THSD7B: variants seen among roughly 807,000 people sequenced by gnomAD.
THSD7B encodes thrombospondin type-1 domain-containing protein 7B.
THSD7B carries 138 observed loss-of-function variants against 213.6 expected under a neutral mutation model. The observed-to-expected ratio is 0.65, with a 90% CI of 0.56 to 0.74. The LOEUF is 0.74. Ranked by LOEUF, THSD7B falls within the 30% of genes least tolerant of loss-of-function variation. THSD7B has a pLI of 0.00. For missense variants in THSD7B, 1,931 were observed against 1,991.5 expected, an observed-to-expected ratio of 0.97 and a Z score of 0.58; for synonymous variants, 742 against 687.0, an observed-to-expected ratio of 1.08 and a Z score of -1.25.
At chr2:137,327,943 A>G (rs2104888442) in intron 12 of THSD7B, among the ~76,000 whole-genome samples, 2 of 152,250 alleles carry the variant, frequency 1.3e-5, no homozygotes, top group South Asian at 4.1e-4. Flanking sequence ...CCAAGTTGAC[A>G]TTTTTTTCGC....
At chr2:137,453,643 T>G (rs2105069697) in intron 15 of THSD7B, among the ~76,000 whole-genome samples, 1 of 152,316 alleles carries the variant, frequency 6.6e-6, no homozygotes, top group East Asian at 1.9e-4. Context: ...ATTTACTTTC[T>G]TAGCAATTTT....
intron 17 of THSD7B, among the ~76,000 whole-genome samples, chr2:137,612,374 A>G (rs958807131): frequency 1.7e-4 from 26 of 152,090 alleles, no homozygotes; most frequent in Admixed American, 2.6e-4. Flanking sequence ...TTCCAATGTA[A>G]TTCTGGTTAC....
intron 7 of THSD7B, among the ~76,000 whole-genome samples, chr2:137,179,104 G>A (rs1680408507): frequency 6.6e-6 from 1 of 152,086 alleles, no homozygotes; most frequent in East Asian, 1.9e-4. Flanking sequence ...GAAGCAAAAT[G>A]AGTCATAGAT....
At chr2:137,609,000 A>C (rs183522544) in intron 17 of THSD7B, among the ~76,000 whole-genome samples, 154 of 152,340 alleles carry the variant, frequency 1.0e-3, no homozygotes, top group Non-Finnish European at 1.4e-3. Flanking sequence ...GCACTTGAAG[A>C]ATCCAAAACT....
At chr2:137,318,141 T>A (rs574267952) in intron 12 of THSD7B, among the ~76,000 whole-genome samples, 17 of 152,312 alleles carry the variant, frequency 1.1e-4, no homozygotes, top group Admixed American at 1.1e-3. Flanking sequence ...TCGCACATAA[T>A]TGAAAAATAC....
At chr2:137,475,897 G>A (rs747839950) in intron 15 of THSD7B, among the ~76,000 whole-genome samples, 1 of 152,006 alleles carries the variant, frequency 6.6e-6, no homozygotes, top group Non-Finnish European at 1.5e-5. Context: ...TCTCCATATC[G>A]TTTTCCATAG....
At chr2:136,880,833 T>TA (rs758320133) in intron 1 of THSD7B, among the ~76,000 whole-genome samples, 13 of 152,184 alleles carry the variant, frequency 8.5e-5, no homozygotes, top group Non-Finnish European at 1.6e-4. Flanking sequence ...TGTCTACTAG[T>TA]AATCCATTAT....
intron 2 of THSD7B, among the ~76,000 whole-genome samples, chr2:137,039,691 A>G (rs570300656): frequency 6.6e-6 from 1 of 152,218 alleles, no homozygotes; most frequent in Non-Finnish European, 1.5e-5. Flanking sequence ...GATTAAAGCA[A>G]ACAGTGTCCT....
intron 17 of THSD7B, among the ~76,000 whole-genome samples, chr2:137,596,683 CT>C (rs1462971545): frequency 6.6e-6 from 1 of 151,780 alleles, no homozygotes; most frequent in Non-Finnish European, 1.5e-5. Flanking sequence ...CTCTCCCTCT[CT>C]TTCACCCTCT....
intron 2 of THSD7B, among the ~76,000 whole-genome samples, chr2:136,941,808 C>G (rs1215082419): frequency 1.3e-5 from 2 of 152,118 alleles, no homozygotes; most frequent in East Asian, 3.9e-4. Context: ...CCTGTTCACT[C>G]TGATGGTAGT....
intron 14 of THSD7B, among the ~76,000 whole-genome samples, chr2:137,418,257 C>T (rs1386169566): frequency 6.6e-6 from 1 of 152,138 alleles, no homozygotes; most frequent in Non-Finnish European, 1.5e-5. Flanking sequence ...CATCCACTGT[C>T]CTCACTCAGT....
At chr2:137,248,667 C>T (rs996910479) in intron 10 of THSD7B, among the ~76,000 whole-genome samples, 6 of 152,124 alleles carry the variant, frequency 3.9e-5, no homozygotes, top group Non-Finnish European at 8.8e-5. Context: ...TGGCCCCCTC[C>T]TCTTCACAGA....
At chr2:137,193,243 C>T (rs1453575308) in intron 7 of THSD7B, among the ~76,000 whole-genome samples, 1 of 152,092 alleles carries the variant, frequency 6.6e-6, no homozygotes, top group Non-Finnish European at 1.5e-5. Flanking sequence ...ATATACATCC[C>T]TGAACATTCA....
intron 1 of THSD7B, among the ~76,000 whole-genome samples, chr2:136,865,423 A>C (rs1683317793): frequency 6.6e-6 from 1 of 152,200 alleles, no homozygotes; most frequent in African/African-American, 2.4e-5. Flanking sequence ...TAATATTTGG[A>C]CTGGGCTGCT....
At chr2:137,287,606 C>A (rs1193627567) in intron 12 of THSD7B, among the ~76,000 whole-genome samples, 1 of 152,020 alleles carries the variant, frequency 6.6e-6, no homozygotes, top group Non-Finnish European at 1.5e-5. Context: ...GCTTTAGTAA[C>A]ACAGTATGAA....
intron 7 of THSD7B, among the ~76,000 whole-genome samples, chr2:137,193,778 C>T (rs1469367064): frequency 4.6e-5 from 7 of 151,700 alleles, no homozygotes; most frequent in South Asian, 2.1e-4. Flanking sequence ...CATAAGGTTA[C>T]GGGATGCATA....
chr2:137,199,672 C>G (rs572225027), intron 7 of THSD7B, among the ~76,000 whole-genome samples: 1 of 152,158 alleles, frequency 6.6e-6, no homozygotes, highest in South Asian at 2.1e-4. Flanking sequence ...CTAAAACACT[C>G]TTGATAAAAA....
chr2:137,107,675 A>G (rs755554396), intron 4 of THSD7B, among the ~76,000 whole-genome samples: 5 of 152,168 alleles, frequency 3.3e-5, no homozygotes, highest in Non-Finnish European at 7.4e-5. Flanking sequence ...TTACTGAGGT[A>G]TTATTTCACG....
chr2:137,125,343 T>C (rs1688613733), intron 5 of THSD7B, among the ~76,000 whole-genome samples: 2 of 152,230 alleles, frequency 1.3e-5, no homozygotes, highest in African/African-American at 4.8e-5. Context: ...ATATTCTAAA[T>C]GCTTTGTTGC....
Sources: allele counts gnomAD v4.1 joint callset (sites outside exome capture counted in the v4.1 genomes callset), GRCh38; gene constraint gnomAD v4.1.1; transcripts MANE v1.5; gene names NCBI Gene and HGNC (gene_info 2026-07-23, HGNC 2026-07-21).